Variants in ECHDC1 observed in about 807,000 individuals in gnomAD.
The protein encoded by ECHDC1 is ethylmalonyl-CoA decarboxylase.
ECHDC1 carries 29 observed loss-of-function variants against 29.7 expected under a neutral mutation model. The observed-to-expected ratio is 0.98, with a 90% CI of 0.73 to 1.33. ECHDC1 has a LOEUF of 1.33. ECHDC1 is among the 40% of genes most tolerant of loss of function. ECHDC1 has a pLI of 0.00. For synonymous variants in ECHDC1, 126 were observed against 123.1 expected (o/e 1.02, Z -0.15); for missense variants, 328 against 350.0 (o/e 0.94, Z 0.50).
intron 1 of ECHDC1, among the ~76,000 whole-genome samples, chr6:127,333,638 T>C (rs2114693337): frequency 6.7e-6 from 1 of 148,872 alleles, no homozygotes; most frequent in African/African-American, 2.5e-5. Context: ...TGGGACTACA[T>C]GACATATCAA....
At position 127,331,708 on chromosome 6, in the gene ECHDC1, C is replaced by A. The variant is rs1416266061; in HGVS notation, c.-2-678G>T. ...TGCTTCTTCATTCTCCAACTCTTAA[C>A]TTTTTTAAAATCTAAGAATAAATAT... On this transcript the variant is annotated intron_variant, in intron 1 of 5. Transcript: ENST00000454859. 4.6e-6 allele frequency: 3 copies of A among 647,470 alleles called. No individual in the cohort carries two copies. The East Asian group carries it at 4.1e-4, about 89-fold the overall frequency. 40.1% of individuals were successfully genotyped at this position (647,470 alleles called of 1,614,324 possible).
At chr6:127,291,464 C>A (rs117530554) in intron 5 of ECHDC1, among the ~76,000 whole-genome samples, 147 of 151,978 alleles carry the variant, frequency 9.7e-4, no homozygotes, top group Non-Finnish European at 1.5e-3. Flanking sequence ...GTTTCCCTAA[C>A]GGGTTCATTT....
chr6:127,299,466 T>C (rs1780886547), intron 5 of ECHDC1, among the ~76,000 whole-genome samples: 1 of 151,116 alleles, frequency 6.6e-6, no homozygotes, highest in Admixed American at 6.6e-5. Context: ...AAAAAAACTT[T>C]TAAAAAAGAT....
Position 127,327,507 on chromosome 6 carries a change from T to TCAGG in ECHDC1, c.221-364_221-363insCCTG, listed in dbSNP as rs1434116456. Among the ~76,000 whole-genome samples the TCAGG allele has an allele frequency of 2.8e-4, 43 of 152,290 alleles. No homozygotes were observed. In the South Asian group the frequency reaches 8.5e-3, roughly 30 times the overall value. On this transcript the variant is annotated intron_variant, in intron 2 of 5. Coordinates refer to ENST00000454859, the MANE Select transcript of ECHDC1 (RefSeq NM_001002030.2). ...GGTAAAGATAAGACATAGACCTGAC[T>TCAGG]TCTCAGCAATACATGTCTCAGTCAA...
chr6:127,307,769 A>AAG (rs1227132609), intron 5 of ECHDC1, among the ~76,000 whole-genome samples: 66 of 151,454 alleles, frequency 4.4e-4, no homozygotes, highest in African/African-American at 1.1e-3. Flanking sequence ...GAAAAAAAAA[A>AAG]AGAGAAATTC....
intron 2 of ECHDC1, 82 bp downstream of exon 2, chr6:127,330,727 G>T: frequency 1.7e-6 from 2 of 1,193,674 alleles, no homozygotes; most frequent in Non-Finnish European, 2.4e-6. Context: ...AAAACATTCT[G>T]TCACCACAGC....
At chr6:127,341,851 C>T (rs1262465100) in intron 1 of ECHDC1, among the ~76,000 whole-genome samples, 1 of 152,154 alleles carries the variant, frequency 6.6e-6, no homozygotes, top group Non-Finnish European at 1.5e-5. Flanking sequence ...GCCTAGAGCA[C>T]GTAATAGAAA....
At chr6:127,290,387 G>A (rs1780054917) in intron 5 of ECHDC1, 110 bp from the exon 6 acceptor site, 1 of 1,112,792 alleles carries the variant, frequency 9.0e-7, no homozygotes, top group Non-Finnish European at 1.2e-6. Flanking sequence ...TTTATAGGTA[G>A]GTATATTAAA....
chr6:127,320,960 T>C (rs1782781206), intron 3 of ECHDC1, among the ~76,000 whole-genome samples: 1 of 152,164 alleles, frequency 6.6e-6, no homozygotes, highest in Non-Finnish European at 1.5e-5. Context: ...GTTGATGCTC[T>C]TATGGGTACA....
chr6:127,317,262 T>C (rs1219106130), intron 3 of ECHDC1, among the ~76,000 whole-genome samples: 4 of 152,114 alleles, frequency 2.6e-5, no homozygotes, highest in Admixed American at 6.6e-5. Flanking sequence ...GCTCTTCTTA[T>C]CCAGCTAATC....
In ECHDC1 at chr6:127,339,835, T is replaced by C. The variant is rs532819519; in HGVS notation, c.-3+3501A>G. Among the ~76,000 whole-genome samples the C allele has an allele frequency of 2.6e-5, 4 of 151,954 alleles. No homozygotes were observed. The South Asian group carries it at 8.3e-4, about 32-fold the overall frequency. On this transcript the variant is annotated intron_variant, in intron 1 of 5. Coordinates refer to ENST00000454859, the MANE Select transcript of ECHDC1 (RefSeq NM_001002030.2). ...AGAACTATTTCACTGTTGGGGTTTT[T>C]AAAAAATGCAAACCCAGGGGGTGTG...
intron 5 of ECHDC1, among the ~76,000 whole-genome samples, chr6:127,304,943 GT>G (rs1781333118): frequency 6.6e-6 from 1 of 152,190 alleles, no homozygotes; most frequent in Admixed American, 6.5e-5. Context: ...AAATCTAAGA[GT>G]TATTGGCCTT....
At chr6:127,314,977 A>C (rs762770431) in intron 4 of ECHDC1, 81 bp from the exon 5 acceptor site, 2 of 1,357,282 alleles carry the variant, frequency 1.5e-6, no homozygotes, top group Admixed American at 3.6e-5. Flanking sequence ...AAAAATCTTA[A>C]AATGCAGTGG....
intron 1 of ECHDC1, chr6:127,342,953 A>G (rs1362294698): frequency 6.6e-6 from 1 of 152,304 alleles, no homozygotes; most frequent in Non-Finnish European, 1.5e-5. Flanking sequence ...AATTATAGGG[A>G]ACATTACCTA....
intron 5 of ECHDC1, among the ~76,000 whole-genome samples, chr6:127,291,146 G>A (rs1780138583): frequency 6.6e-6 from 1 of 151,874 alleles, no homozygotes; most frequent in Non-Finnish European, 1.5e-5. Context: ...TAAGGAGTTC[G>A]GATTTTATTT....
intron 2 of ECHDC1, 96 bp from the exon 3 acceptor site, chr6:127,327,240 T>A: frequency 7.5e-7 from 1 of 1,326,222 alleles, no homozygotes; most frequent in Non-Finnish European, 1.0e-6. Flanking sequence ...TACTCTTAGG[T>A]CCTATATTTT....
chr6:127,318,878 G>C (rs1782609199), intron 3 of ECHDC1, among the ~76,000 whole-genome samples: 1 of 152,262 alleles, frequency 6.6e-6, no homozygotes, highest in African/African-American at 2.4e-5. Context: ...AGGAAGATCA[G>C]TGTATCTCAC....
chr6:127,307,905 A>G (rs1446568674), intron 5 of ECHDC1, among the ~76,000 whole-genome samples: 1 of 152,114 alleles, frequency 6.6e-6, no homozygotes, highest in African/African-American at 2.4e-5. Flanking sequence ...AGAAATGGAC[A>G]AATTCCTAGA....
At chr6:127,330,158 TG>T (rs1783793146) in intron 2 of ECHDC1, among the ~76,000 whole-genome samples, 2 of 152,190 alleles carry the variant, frequency 1.3e-5, no homozygotes, top group Admixed American at 1.3e-4. Context: ...CATAACACAG[TG>T]GTAGCGTAGT....
Sources: allele counts gnomAD v4.1 joint callset (sites outside exome capture counted in the v4.1 genomes callset), GRCh38; gene constraint gnomAD v4.1.1; transcripts MANE v1.5; gene names NCBI Gene and HGNC (gene_info 2026-07-23, HGNC 2026-07-21).